AKR1E2: variants seen among roughly 807,000 people sequenced by gnomAD.
AKR1E2 encodes 1,5-anhydro-D-fructose reductase.
AKR1E2 carries 43 observed loss-of-function variants against 41.9 expected under a neutral mutation model. The observed-to-expected ratio is 1.03, with a 90% confidence interval of 0.80 to 1.32. The LOEUF (loss-of-function observed/expected upper bound fraction) is 1.32. Among genes scored for constraint, AKR1E2 ranks in the 40% most tolerant of loss-of-function variants. AKR1E2 has a pLI of 0.00. For missense variants in AKR1E2, 423 were observed against 396.5 expected (o/e 1.07, Z -0.57); for synonymous variants, 121 against 138.9 (o/e 0.87, Z 0.91).
intron 8 of AKR1E2, among the ~76,000 whole-genome samples, chr10:4,845,164 A>G (rs117796384): frequency 0.035 from 5,268 of 152,174 alleles, 146 homozygotes; most frequent in East Asian, 0.11. Flanking sequence ...CCCGAGTGCT[A>G]AGCCCCTCAT....
At chr10:4,868,732 G>GT in the AKR1E2 span, among the ~76,000 whole-genome samples, 3 of 152,234 alleles carry the variant, frequency 2.0e-5, no homozygotes, top group East Asian at 5.8e-4. Context: ...TTTTCTGAAA[G>GT]TTTTAATTAT....
At chr10:4,838,773 T>C (rs1341542739) in intron 5 of AKR1E2, among the ~76,000 whole-genome samples, 1 of 152,204 alleles carries the variant, frequency 6.6e-6, no homozygotes, top group Non-Finnish European at 1.5e-5. Flanking sequence ...TATATAAGTT[T>C]TGATATATGT....
intron 8 of AKR1E2, among the ~76,000 whole-genome samples, chr10:4,846,823 C>T (rs1834370582): frequency 6.6e-6 from 1 of 152,168 alleles, no homozygotes; most frequent in Admixed American, 6.5e-5. Context: ...GGATTACAGG[C>T]GTGAACCACC....
At chr10:4,856,172 A>G in the AKR1E2 span, among the ~76,000 whole-genome samples, 89,589 of 152,112 alleles carry the variant, frequency 0.59, 27,891 homozygotes, top group East Asian at 0.74. Context: ...AAAGACTATA[A>G]GAAGTCATGG....
At chr10:4,832,392 G>T (rs1019090144) in intron 2 of AKR1E2, among the ~76,000 whole-genome samples, 6 of 152,204 alleles carry the variant, frequency 3.9e-5, no homozygotes, top group Admixed American at 3.9e-4. Flanking sequence ...GGTGGTAAGA[G>T]AGCAGCCTTG....
chr10:4,834,588 C>T (rs980287484), intron 3 of AKR1E2, among the ~76,000 whole-genome samples: 6 of 152,196 alleles, frequency 3.9e-5, no homozygotes, highest in Non-Finnish European at 7.3e-5. Context: ...ATTCTCATGA[C>T]AGTTCTACAA....
At chr10:4,862,199 G>A in the AKR1E2 span, among the ~76,000 whole-genome samples, 10 of 152,174 alleles carry the variant, frequency 6.6e-5, no homozygotes, top group African/African-American at 1.2e-4. Flanking sequence ...TCCTTTCCCC[G>A]TTTCTTGTTT....
rs1462450903 is a variant in AKR1E2 at position 4,835,898 on chromosome 10, C to T, written c.459+89C>T. 5.9e-6 allele frequency: 9 copies of T among 1,522,988 alleles called. No individual in the cohort carries two copies. The African/African-American group carries it at 1.1e-4, about 19-fold the overall frequency. The allele number at this position is 1,522,988 out of a possible 1,614,324, so 94.3% of individuals were successfully genotyped here. Reference sequence around the variant, plus strand: ...GCCCTGAGCTGCTTGTGTTCAAAGACATCAAGGTTGTCTACCTGAGATGTG... The same window carrying T: ...GCCCTGAGCTGCTTGTGTTCAAAGATATCAAGGTTGTCTACCTGAGATGTG... On this transcript the variant is annotated intron_variant, in intron 4 of 9. Coordinates refer to ENST00000298375, the MANE Select transcript of AKR1E2 (RefSeq NM_001040177.3).
the AKR1E2 span, among the ~76,000 whole-genome samples, chr10:4,866,934 C>T: frequency 6.6e-6 from 1 of 152,076 alleles, no homozygotes; most frequent in Admixed American, 6.5e-5. Context: ...TGCAAAATAC[C>T]CAGGCACTTA....
At chr10:4,845,856 G>A (rs1210477485) in intron 8 of AKR1E2, 2 of 470,648 alleles carry the variant, frequency 4.2e-6, no homozygotes, top group Admixed American at 4.7e-5. Flanking sequence ...GAGGGCCAAA[G>A]CCGAAGTGAT....
Position 4,830,661 on chromosome 10 carries a change from T to G in AKR1E2, c.40-14T>G. 1 of 1,613,166 alleles carries G rather than the reference T, an allele frequency of 6.2e-7. No homozygotes were observed. On this transcript the variant is annotated splice_polypyrimidine_tract_variant and intron_variant, in intron 1 of 9. Transcript: ENST00000298375. The stretch of plus-strand genomic sequence containing the variant: ...CTGACTGTGAGAAGACACTTTGTTT[T>G]GTTGGTTTTGCAGGCTTCTCCAGGG...
intron 8 of AKR1E2, among the ~76,000 whole-genome samples, chr10:4,844,561 T>C (rs1834160898): frequency 6.6e-6 from 1 of 152,156 alleles, no homozygotes; most frequent in Admixed American, 6.5e-5. Flanking sequence ...TTTGACAGGG[T>C]GCTGATTGGT....
downstream of AKR1E2, among the ~76,000 whole-genome samples, chr10:4,849,874 T>C (rs895738504): frequency 6.6e-6 from 1 of 152,210 alleles, no homozygotes; most frequent in South Asian, 2.1e-4. Flanking sequence ...TCTGCGGCTC[T>C]TAACAGGAGA....
the AKR1E2 span, among the ~76,000 whole-genome samples, chr10:4,854,461 G>A: frequency 8.5e-5 from 13 of 152,182 alleles, no homozygotes; most frequent in African/African-American, 3.1e-4. Flanking sequence ...TCACTCGTGC[G>A]AGATCTAAGA....
intron 8 of AKR1E2, among the ~76,000 whole-genome samples, 169 bp from the exon 9 acceptor site, chr10:4,846,979 A>G (rs909540739): frequency 6.6e-6 from 1 of 152,248 alleles, no homozygotes; most frequent in African/African-American, 2.4e-5. Context: ...ATCAAAGGGC[A>G]TTTGGGGAAT....
chr10:4,839,955 A>G (rs919464535), intron 6 of AKR1E2, 129 bp downstream of exon 6: 1 of 837,552 alleles, frequency 1.2e-6, no homozygotes, highest in South Asian at 1.4e-5. Context: ...ATGGTACTAT[A>G]GGGGGCTGTC....
the AKR1E2 span, among the ~76,000 whole-genome samples, chr10:4,853,442 CAA>C: frequency 0.011 from 1,251 of 114,714 alleles, 10 homozygotes; most frequent in African/African-American, 0.025. Flanking sequence ...AACTTGTTGC[CAA>C]AAAAAAAAAA....
At chr10:4,842,056 C>T (rs1045781370) in intron 7 of AKR1E2, among the ~76,000 whole-genome samples, 199 bp downstream of exon 7, 53 of 152,192 alleles carry the variant, frequency 3.5e-4, no homozygotes, top group African/African-American at 1.2e-3. Flanking sequence ...CTCTTGCCTC[C>T]GAGCCTGTCT....
At chr10:4,846,999 G>A (rs1834382921) in intron 8 of AKR1E2, 149 bp from the exon 9 acceptor site, 3 of 823,414 alleles carry the variant, frequency 3.6e-6, no homozygotes, top group South Asian at 1.9e-5. Context: ...TCCAGGCTGT[G>A]ATTCAGGGAA....
Sources: allele counts gnomAD v4.1 joint callset (sites outside exome capture counted in the v4.1 genomes callset), GRCh38; gene constraint gnomAD v4.1.1; transcripts MANE v1.5; gene names NCBI Gene and HGNC (gene_info 2026-07-23, HGNC 2026-07-21).